VPS35L: variants seen among roughly 807,000 people sequenced by gnomAD.
The protein encoded by VPS35L is VPS35 endosomal protein sorting factor like.
Under a neutral mutation model 133.0 loss-of-function variants are expected in VPS35L, and 83 were observed. The observed-to-expected ratio is 0.62, with a 90% CI of 0.52 to 0.75. The LOEUF is 0.75. VPS35L is among the 30% of genes least tolerant of loss of function. The pLI is 0.00. For synonymous variants in VPS35L, 423 were observed against 449.9 expected (o/e 0.94, Z 0.76); for missense variants, 1,083 against 1,206.8 (o/e 0.90, Z 1.52).
chr16:19,666,705 A>G (rs1187742546), intron 26 of VPS35L, among the ~76,000 whole-genome samples: 1 of 152,130 alleles, frequency 6.6e-6, no homozygotes, highest in African/African-American at 2.4e-5. Context: ...ACACATAAAT[A>G]GAAAAAAATG....
chr16:19,555,908 C>T (rs1323313444), intron 1 of VPS35L, among the ~76,000 whole-genome samples, 162 bp downstream of exon 1: 1 of 152,192 alleles, frequency 6.6e-6, no homozygotes, highest in Non-Finnish European at 1.5e-5. Context: ...CTACCGCGGT[C>T]CAGCGGAGCA....
At position 19,555,743 on chromosome 16, in the gene VPS35L, C is replaced by T. The variant is rs1445215097; in HGVS notation, c.14C>T (p.Pro5Leu). Residue 5 changes from proline to leucine, a missense_variant, in exon 1 of 31, where the codon CCT becomes CTT. By Grantham distance (98) the Pro-to-Leu change is moderately conservative. Transcript: ENST00000417362. MAVF[P>L]WHSRNRNYKA... ...GTGACTGGGAAGATGGCCGTCTTTC[C>T]TTGGTAAGGAAGCAGCGGCGGGTGG... The T allele has an allele frequency of 3.2e-6, 5 of 1,583,158 alleles. No individual in the cohort carries two copies. Among genetic ancestry groups the T allele is most frequent in the Non-Finnish European group, 4.3e-6 (5 of 1,165,092 alleles).
rs1555496818 is a variant in VPS35L at position 19,576,193 on chromosome 16, A to AAC, written c.433+1071_433+1072insAC. Among the ~76,000 whole-genome samples the AAC allele has an allele frequency of 7.5e-5, 11 of 146,750 alleles. 1 individual carries two copies. Among genetic ancestry groups the AAC allele is most frequent in the East Asian group, 2.0e-4 (1 of 5,044 alleles). ...AAAAAAAAAAAAACAAAAAAAAAAA[A>AAC]CAAAGAGGTTACTAGGAGTAAAACG... On this transcript the variant is annotated intron_variant, in intron 5 of 30. Coordinates refer to ENST00000417362, the MANE Select transcript of VPS35L (RefSeq NM_020314.7).
intron 10 of VPS35L, chr16:19,608,693 C>T (rs897678390): frequency 1.6e-5 from 7 of 430,334 alleles, no homozygotes; most frequent in African/African-American, 1.4e-4. Flanking sequence ...TCTTTCTTTC[C>T]CCATAAAGCA....
intron 26 of VPS35L, among the ~76,000 whole-genome samples, chr16:19,653,625 G>A (rs565306967): frequency 1.3e-5 from 2 of 152,362 alleles, no homozygotes; most frequent in Admixed American, 6.5e-5. Context: ...GTTCCATAGC[G>A]CCATAGGAGG....
intron 14 of VPS35L, among the ~76,000 whole-genome samples, chr16:19,622,335 G>T (rs56037453): frequency 0.059 from 8,921 of 151,596 alleles, 873 homozygotes; most frequent in African/African-American, 0.2. Context: ...TAGAGACAGG[G>T]TCTCATCATC....
Position 19,581,587 on chromosome 16 carries a change from C to T in VPS35L, c.573C>T (p.Leu191=), listed in dbSNP as rs1971710114. The T allele has an allele frequency of 4.3e-6, 7 of 1,613,964 alleles. No homozygotes were observed. Among genetic ancestry groups the T allele is most frequent in the Non-Finnish European group, 5.9e-6 (7 of 1,180,010 alleles). Residue 191 remains leucine (L), a synonymous_variant, in exon 7 of 31, where the codon CTC becomes CTT. Transcript: ENST00000417362. ...ATTACGTGAACCGCATAGAGGAGCT[C>T]AACCAATCGCTGAAGGATGCCTGGG... is the stretch of plus-strand genomic sequence containing the variant. ...QQDYVNRIEE[L]NQSLKDAWAS...
intron 25 of VPS35L, among the ~76,000 whole-genome samples, chr16:19,650,883 TTTTTGTTTTTCTTGAGACGGAG>T (rs1414211265): frequency 3.3e-5 from 5 of 152,116 alleles, no homozygotes; most frequent in African/African-American, 1.2e-4. Context: ...CCCAACTTTG[TTTTTGTTTTTCTTGAGACGGAG>T]TCTTGCTCTG....
intron 7 of VPS35L, among the ~76,000 whole-genome samples, chr16:19,591,454 G>A (rs565690135): frequency 6.3e-4 from 95 of 151,826 alleles, no homozygotes; most frequent in Non-Finnish European, 1.1e-3. Flanking sequence ...GGTGGCTCAC[G>A]CCTGTAATTC....
chr16:19,567,928 C>G (rs1312227188), intron 2 of VPS35L, among the ~76,000 whole-genome samples: 2 of 151,314 alleles, frequency 1.3e-5, no homozygotes, highest in Non-Finnish European at 2.9e-5. Flanking sequence ...CGTGATCACA[C>G]CATTGCACTC....
intron 26 of VPS35L, among the ~76,000 whole-genome samples, chr16:19,665,227 T>C (rs1974624864): frequency 6.6e-6 from 1 of 152,226 alleles, no homozygotes; most frequent in Non-Finnish European, 1.5e-5. Context: ...AATTAAATTA[T>C]TGACTAGAGT....
Position 19,669,190 on chromosome 16 carries a change from T to C in VPS35L, c.2252T>C (p.Leu751Pro), listed in dbSNP as rs374979210. The change falls in exon 27 of 31, where the codon CTT (leucine) becomes CCT (proline). Residue 751 changes from leucine (L) to proline (P), a missense_variant. By Grantham distance (98) the Leu-to-Pro change is moderately conservative. Coordinates refer to ENST00000417362, the MANE Select transcript of VPS35L (RefSeq NM_020314.7). Reference protein sequence around the residue: ...ADAFFKAAISLVPEVPKMINI... With the variant: ...ADAFFKAAISPVPEVPKMINI... Reference sequence around the variant, plus strand: ...GCTTTTTTCAAAGCCGCTATAAGCCTTGTTCCGGAAGTTCCAAAGATGATT... The same window carrying C: ...GCTTTTTTCAAAGCCGCTATAAGCCCTGTTCCGGAAGTTCCAAAGATGATT... 2 of 1,611,820 alleles carry C rather than the reference T, an allele frequency of 1.2e-6. No individual in the cohort carries two copies. Among genetic ancestry groups the C allele is most frequent in the African/African-American group, 2.7e-5 (2 of 75,060 alleles).
rs1976025482 is a variant in VPS35L at position 19,699,310 on chromosome 16, C to T, written c.2647-192C>T. On this transcript the variant is annotated intron_variant, in intron 29 of 30. Coordinates refer to ENST00000417362, the MANE Select transcript of VPS35L (RefSeq NM_020314.7). This position sits in a 1 kb window ranked among gnomAD's most constrained non-coding sequence, Gnocchi z 4.2. Reference sequence around the variant, plus strand: ...GAATCCCCGCCCTTTGCAGGGGTGACCTTACTGTCACTTACAGATGAAGCA... The same window carrying T: ...GAATCCCCGCCCTTTGCAGGGGTGATCTTACTGTCACTTACAGATGAAGCA... 3.2e-6 allele frequency: 2 copies of T among 617,492 alleles called. No homozygotes were observed. The highest frequency in any genetic ancestry group is 3.7e-5 in the African/African-American group (2 of 54,148). The allele number at this position is 617,492 out of a possible 1,614,324, so 38.3% of individuals were successfully genotyped here.
chr16:19,609,031 T>C lies in VPS35L; in HGVS notation c.929+10T>C. ...AATTCCTCTCCAAAACGTAAGGCTC[T>C]TCGGTAAAATCTAGAACCATAAAAT... On this transcript the variant is annotated intron_variant, in intron 11 of 30. Coordinates refer to ENST00000417362, the MANE Select transcript of VPS35L (RefSeq NM_020314.7). The C allele has an allele frequency of 1.9e-6, 3 of 1,611,820 alleles. No individual in the cohort carries two copies. The highest frequency in any genetic ancestry group is 2.5e-6 in the Non-Finnish European group (3 of 1,178,040).
At chr16:19,576,165 CA>C (rs1220749191) in intron 5 of VPS35L, among the ~76,000 whole-genome samples, 1,437 of 72,196 alleles carry the variant, frequency 0.02, 7 homozygotes, top group Middle Eastern at 0.044. Flanking sequence ...GACTCTGTCT[CA>C]AAAAAAAAAA....
intron 7 of VPS35L, among the ~76,000 whole-genome samples, chr16:19,590,643 CA>C (rs940359744): frequency 6.6e-6 from 1 of 152,052 alleles, no homozygotes; most frequent in East Asian, 1.9e-4. Context: ...GACGAGTACT[CA>C]AAAAAAGAGT....
At chr16:19,666,423 T>C (rs1211394029) in intron 26 of VPS35L, among the ~76,000 whole-genome samples, 1 of 152,198 alleles carries the variant, frequency 6.6e-6, no homozygotes, top group Admixed American at 6.5e-5. Context: ...TGCTGTCACA[T>C]GGGGTAGGAT....
intron 8 of VPS35L, 117 bp from the exon 9 acceptor site, chr16:19,601,547 T>C (rs760611284): frequency 1.4e-5 from 14 of 979,472 alleles, no homozygotes; most frequent in Non-Finnish European, 2.1e-5. Flanking sequence ...CAGCATACCA[T>C]CACAAGTTAA....
chr16:19,685,982 C>T (rs778980537), intron 28 of VPS35L, among the ~76,000 whole-genome samples: 12 of 152,160 alleles, frequency 7.9e-5, no homozygotes, highest in Non-Finnish European at 1.5e-4. Flanking sequence ...CCAGCGAAGA[C>T]GACTAGAGCC....
Sources: allele counts gnomAD v4.1 joint callset (sites outside exome capture counted in the v4.1 genomes callset), GRCh38; gene constraint gnomAD v4.1.1; non-coding constraint Gnocchi (gnomAD v3.1); transcripts MANE v1.5; gene names NCBI Gene and HGNC (gene_info 2026-07-23, HGNC 2026-07-21).